AFF3: variants seen among roughly 807,000 people sequenced by gnomAD.
AFF3 encodes the protein ALF transcription elongation factor 3.
In AFF3, 32 loss-of-function variants were observed where a neutral mutation model predicts 129.7. That is an observed-to-expected ratio of 0.25 (90% CI 0.19 to 0.33). The LOEUF (loss-of-function observed/expected upper bound fraction) is 0.33, where lower values mean the gene tolerates loss of function less well. Ranked by LOEUF, AFF3 falls within the 10% of genes least tolerant of loss-of-function variation. The pLI is 1.00. For synonymous variants in AFF3, 644 were observed against 635.4 expected (o/e 1.01, Z -0.20); for missense variants, 1,373 against 1,592.0 (o/e 0.86, Z 2.34).
chr2:99,692,474 T>A (rs1002833910), intron 11 of AFF3, among the ~76,000 whole-genome samples: 1 of 152,090 alleles, frequency 6.6e-6, no homozygotes, highest in Non-Finnish European at 1.5e-5. Flanking sequence ...AGGTGAGTGA[T>A]TGCAAAGGAC....
At chr2:100,071,716 A>G (rs1280340082) in intron 4 of AFF3, among the ~76,000 whole-genome samples, 1 of 152,136 alleles carries the variant, frequency 6.6e-6, no homozygotes, top group Non-Finnish European at 1.5e-5. Context: ...AAATTCTTCG[A>G]GCAAAACCGT....
At chr2:99,980,037 T>C (rs1277568202) in intron 7 of AFF3, among the ~76,000 whole-genome samples, 1 of 150,006 alleles carries the variant, frequency 6.7e-6, no homozygotes, top group Admixed American at 6.6e-5. Flanking sequence ...AAATCTAAGT[T>C]TCCAGCCATT....
intron 7 of AFF3, among the ~76,000 whole-genome samples, chr2:99,844,971 G>C (rs1689620012): frequency 6.7e-6 from 1 of 149,950 alleles, no homozygotes; most frequent in Admixed American, 6.6e-5. Context: ...AAAAAAAAAA[G>C]ACTATTTACA....
In AFF3 at chr2:99,551,587, T is replaced by C. The variant is rs1347184192; in HGVS notation, c.3568A>G (p.Asn1190Asp). Residue 1190 changes from asparagine (N) to aspartate (D), a missense_variant, in exon 25 of 25, where the codon AAC becomes GAC. Around this residue, in one of 9 missense-constraint regions of AFF3, gnomAD observed 165 missense variants for 234.0 expected, o/e 0.71. Coordinates refer to ENST00000672756, the MANE Select transcript of AFF3 (RefSeq NM_001386135.1). ...GGCCCCATGAGCAGATCCAGGTCGT[T>C]GAAGAATTCTAGGGGGACAGAAAGA... The part of the protein sequence containing the change: ...NLAKENREFF[N>D]DLDLLMGPVT... The C allele has an allele frequency of 6.2e-7, 1 of 1,613,900 alleles. No individual in the cohort carries two copies. The highest frequency in any genetic ancestry group is 8.5e-7 in the Non-Finnish European group (1 of 1,179,976).
chr2:99,646,609 G>A (rs1684718086), intron 13 of AFF3, among the ~76,000 whole-genome samples: 1 of 152,132 alleles, frequency 6.6e-6, no homozygotes, highest in Admixed American at 6.6e-5. Context: ...CCCCACTTTG[G>A]GATATTCAGG....
chr2:99,925,496 C>T (rs1696167892), intron 7 of AFF3, among the ~76,000 whole-genome samples: 1 of 152,156 alleles, frequency 6.6e-6, no homozygotes. Context: ...TTTGTACTTT[C>T]AGCACATGGC....
intron 11 of AFF3, among the ~76,000 whole-genome samples, chr2:99,724,825 C>T (rs1303388202): frequency 6.6e-6 from 1 of 152,152 alleles, no homozygotes; most frequent in Non-Finnish European, 1.5e-5. Flanking sequence ...GAGATGCTTG[C>T]AACCTGTTAT....
At chr2:100,026,730 T>A (rs532456974) in intron 4 of AFF3, among the ~76,000 whole-genome samples, 32 of 148,322 alleles carry the variant, frequency 2.2e-4, no homozygotes, top group Middle Eastern at 3.6e-3. Context: ...TATATATATA[T>A]AATGGAATAC....
At chr2:99,577,844 T>C (rs545133612) in intron 18 of AFF3, among the ~76,000 whole-genome samples, 2 of 152,322 alleles carry the variant, frequency 1.3e-5, no homozygotes, top group East Asian at 3.9e-4. Flanking sequence ...AGTGCTAGAA[T>C]TGGGTGAAGG....
chr2:99,671,910 G>T (rs926419140), intron 12 of AFF3, among the ~76,000 whole-genome samples: 2 of 152,164 alleles, frequency 1.3e-5, no homozygotes, highest in African/African-American at 4.8e-5. Context: ...CTGATCAGAA[G>T]AGTATTTATA....
At chr2:99,667,822 C>T (rs1203800860) in intron 12 of AFF3, among the ~76,000 whole-genome samples, 1 of 152,078 alleles carries the variant, frequency 6.6e-6, no homozygotes, top group African/African-American at 2.4e-5. Context: ...TCTAATAGCC[C>T]TATGACTATT....
intron 4 of AFF3, among the ~76,000 whole-genome samples, chr2:100,036,423 G>C (rs764333571): frequency 8.6e-5 from 13 of 151,696 alleles, no homozygotes; most frequent in African/African-American, 2.7e-4. Context: ...CAGAATAACA[G>C]GTAAAATATT....
At chr2:99,779,938 T>TA (rs1684254970) in intron 8 of AFF3, among the ~76,000 whole-genome samples, 2 of 152,326 alleles carry the variant, frequency 1.3e-5, no homozygotes, top group Non-Finnish European at 2.9e-5. Context: ...GAGAGAGTGT[T>TA]ACAGTTATAC....
intron 4 of AFF3, among the ~76,000 whole-genome samples, chr2:100,085,147 A>T (rs1689320227): frequency 6.8e-6 from 1 of 147,810 alleles, no homozygotes; most frequent in African/African-American, 2.5e-5. Context: ...TTTGGAATTG[A>T]AGAATTAATT....
At chr2:100,083,944 C>T (rs1036945513) in intron 4 of AFF3, among the ~76,000 whole-genome samples, 8 of 152,124 alleles carry the variant, frequency 5.3e-5, no homozygotes, top group Admixed American at 4.6e-4. Context: ...CTGGCTCAGG[C>T]TCGAGATTCC....
At chr2:99,930,719 C>T (rs1295027991) in intron 7 of AFF3, among the ~76,000 whole-genome samples, 2 of 152,128 alleles carry the variant, frequency 1.3e-5, no homozygotes, top group Non-Finnish European at 2.9e-5. Flanking sequence ...AGAGACTAGC[C>T]TAGGGGCTTT....
intron 13 of AFF3, among the ~76,000 whole-genome samples, chr2:99,648,881 G>GCACACACACACACA (rs367768868): frequency 0.019 from 1,214 of 64,438 alleles, 95 homozygotes; most frequent in Admixed American, 0.042. Flanking sequence ...CTCAAAACAC[G>GCACACACACACACA]CGCGCACACA....
At chr2:99,887,791 T>A (rs1003895498) in intron 7 of AFF3, among the ~76,000 whole-genome samples, 1 of 152,248 alleles carries the variant, frequency 6.6e-6, no homozygotes, top group East Asian at 1.9e-4. Flanking sequence ...TCTAATCCTT[T>A]ATGGCATCCC....
chr2:99,704,849 C>T (rs1176234596), intron 11 of AFF3, among the ~76,000 whole-genome samples: 3 of 152,122 alleles, frequency 2.0e-5, no homozygotes, highest in African/African-American at 7.2e-5. Flanking sequence ...AGGGCTCAGA[C>T]CTCAGATGTC....
Sources: allele counts gnomAD v4.1 joint callset (sites outside exome capture counted in the v4.1 genomes callset), GRCh38; gene constraint gnomAD v4.1.1; regional missense constraint gnomAD v4.1.1; transcripts MANE v1.5; gene names NCBI Gene and HGNC (gene_info 2026-07-23, HGNC 2026-07-21).